The following ADH4 variants were observed in gnomAD, a reference collection of about 807,000 sequenced individuals.
The protein encoded by ADH4 is alcohol dehydrogenase 4 (class II), pi polypeptide.
A neutral mutation model predicts 35.2 loss-of-function variants in ADH4; 31 were observed. That is an observed-to-expected ratio of 0.88 (90% CI 0.66 to 1.19). The LOEUF (loss-of-function observed/expected upper bound fraction) is 1.19, where lower values mean the gene tolerates loss of function less well. Among genes scored for constraint, ADH4 ranks in the 50% most tolerant of loss-of-function variants. The pLI is 0.00. For missense variants in ADH4, 476 were observed against 458.3 expected, an observed-to-expected ratio of 1.04 and a Z score of -0.35; for synonymous variants, 171 against 160.2, an observed-to-expected ratio of 1.07 and a Z score of -0.51.
intron 8 of ADH4, among the ~76,000 whole-genome samples, chr4:99,125,919 C>G (rs1729071893): frequency 6.6e-6 from 1 of 152,120 alleles, no homozygotes; most frequent in African/African-American, 2.4e-5. Flanking sequence ...AACATTGTTC[C>G]TAATGTTTTT....
At chr4:99,131,377 A>G in intron 6 of ADH4, 127 bp downstream of exon 6, 1 of 1,068,354 alleles carries the variant, frequency 9.4e-7, no homozygotes. Context: ...TTTGTGGCTT[A>G]TAGTTCTACC....
intron 5 of ADH4, among the ~76,000 whole-genome samples, chr4:99,132,204 A>G (rs1367759646): frequency 5.9e-5 from 9 of 152,174 alleles, no homozygotes; most frequent in African/African-American, 1.7e-4. Context: ...ATGAAGTCCA[A>G]TTTGTTTTGC....
intron 5 of ADH4, among the ~76,000 whole-genome samples, 194 bp from the exon 6 acceptor site, chr4:99,131,958 T>C (rs2110495668): frequency 6.6e-6 from 1 of 152,308 alleles, no homozygotes; most frequent in East Asian, 1.9e-4. Flanking sequence ...GGAGAATTAT[T>C]TAGTGTTCAT....
At chr4:99,125,716 G>A (rs550704535) in intron 8 of ADH4, among the ~76,000 whole-genome samples, 6 of 152,326 alleles carry the variant, frequency 3.9e-5, no homozygotes, top group South Asian at 2.1e-4. Flanking sequence ...GTTCATGTCA[G>A]TGGGGATATT....
chr4:99,128,860 C>T (rs947977240), intron 6 of ADH4, among the ~76,000 whole-genome samples: 4 of 151,870 alleles, frequency 2.6e-5, no homozygotes, highest in East Asian at 1.9e-4. Context: ...AGTGGAGTGG[C>T]GTGATCATAG....
intron 6 of ADH4, among the ~76,000 whole-genome samples, chr4:99,129,329 G>A (rs1729202302): frequency 6.6e-6 from 1 of 151,952 alleles, no homozygotes; most frequent in African/African-American, 2.4e-5. Flanking sequence ...AAAAAATTAG[G>A]ATAAGTCAGA....
chr4:99,127,301 G>GTA lies in ADH4; in HGVS notation c.885_886dup (p.Thr296IlefsTer6). The GTA allele has an allele frequency of 6.2e-7, 1 of 1,612,306 alleles. No homozygotes were observed. The highest frequency in any genetic ancestry group is 1.1e-5 in the South Asian group (1 of 90,848). On this transcript the variant is annotated frameshift_variant, in exon 7 of 9. Coordinates refer to ENST00000265512, the MANE Select transcript of ADH4 (RefSeq NM_000670.5). LOFTEE classifies it high-confidence loss of function. ...GCTACCAGCAGCTACTCCAATGAAA[G>GTA]TACATGATCCCCAGCCTGCGGTTGT...
chr4:99,127,847 T>G (rs1729148041), intron 6 of ADH4, among the ~76,000 whole-genome samples: 1 of 151,312 alleles, frequency 6.6e-6, no homozygotes, highest in Non-Finnish European at 1.5e-5. Context: ...AAAAAAAAAT[T>G]ATTAGTAAAA....
chr4:99,137,188 C>T (rs13132776), intron 4 of ADH4, among the ~76,000 whole-genome samples: 31,566 of 151,072 alleles, frequency 0.21, 3,900 homozygotes, highest in Non-Finnish European at 0.28. Flanking sequence ...AGTGCAGTGG[C>T]GCGATCTCAG....
intron 5 of ADH4, among the ~76,000 whole-genome samples, chr4:99,134,561 G>A (rs1729379364): frequency 6.6e-6 from 1 of 152,060 alleles, no homozygotes; most frequent in Non-Finnish European, 1.5e-5. Flanking sequence ...GACTTGAAGA[G>A]TGATACTTCT....
chr4:99,142,857 C>A (rs1729675111), intron 1 of ADH4, 77 bp from the exon 2 acceptor site: 2 of 1,027,284 alleles, frequency 1.9e-6, no homozygotes, highest in East Asian at 5.1e-5. Flanking sequence ...GAGAGGAGAT[C>A]ATGAGAAAAA....
In ADH4 at chr4:99,139,106, C is replaced by T; in HGVS notation, c.305G>A (p.Cys102Tyr). Residue 102 changes from cysteine to tyrosine, a missense_variant, in exon 4 of 9, where the codon TGC becomes TAC. Cys to Tyr is a radical substitution (Grantham distance 194). Transcript: ENST00000265512. ...IPLYAPLCRKCKFCLSPLTNL... is the reference protein window; with the variant it reads ...IPLYAPLCRKYKFCLSPLTNL... ...TGTGAGTGGACTCAGACAAAACTTG[C>T]ATTTTCTACATAGAGGTGCATAAAG... The T allele has an allele frequency of 6.2e-7, 1 of 1,613,420 alleles. No individual in the cohort carries two copies. Among genetic ancestry groups the T allele is most frequent in the Non-Finnish European group, 8.5e-7 (1 of 1,179,672 alleles).
rs559582335 is a variant in ADH4, at chr4:99,143,999, A to G, written c.18+206T>C. 3.9e-5 allele frequency among the ~76,000 whole-genome samples: 6 copies of G among 152,302 alleles called. No homozygotes were observed. In the South Asian group the frequency reaches 1.2e-3, roughly 32 times the overall value. The stretch of plus-strand genomic sequence containing the variant: ...TCTTTTGGCCATTTAAATAATATTA[A>G]TATTAACTGAACACCCTTCTAATAA... On this transcript the variant is annotated intron_variant, in intron 1 of 8. Coordinates refer to ENST00000265512, the MANE Select transcript of ADH4 (RefSeq NM_000670.5).
chr4:99,137,043 G>A (rs13127582), intron 4 of ADH4, among the ~76,000 whole-genome samples: 31,918 of 151,840 alleles, frequency 0.21, 4,032 homozygotes, highest in Non-Finnish European at 0.28. Context: ...TCCGCCTTCC[G>A]AGTTCAAGCG....
At chr4:99,134,844 A>C (rs1729388192) in intron 5 of ADH4, among the ~76,000 whole-genome samples, 1 of 151,008 alleles carries the variant, frequency 6.6e-6, no homozygotes, top group Admixed American at 6.7e-5. Context: ...TACTAGATCA[A>C]CCTCTTATTG....
chr4:99,134,062 C>T (rs1292353634), intron 5 of ADH4, among the ~76,000 whole-genome samples: 1 of 152,098 alleles, frequency 6.6e-6, no homozygotes, highest in East Asian at 1.9e-4. Flanking sequence ...AAGCCAGGCA[C>T]AGAAAGACAG....
intron 5 of ADH4, 48 bp from the exon 6 acceptor site, chr4:99,131,812 C>CT (rs35019093): frequency 0.25 from 384,660 of 1,567,920 alleles, 51,248 homozygotes; most frequent in Non-Finnish European, 0.28. Context: ...GCCAGTCCCA[C>CT]TTTTTTTCTT....
rs781087602 is a variant in ADH4, at chr4:99,127,236, G to A, written c.952C>T (p.Arg318Cys). The A allele has an allele frequency of 1.1e-5, 17 of 1,609,720 alleles. No individual in the cohort carries two copies. Among genetic ancestry groups the A allele is most frequent in the East Asian group, 4.5e-5 (2 of 44,700 alleles). ...CCAAAGAATGTTCCATTTATAGTAC[G>A]GCCGATTATTAGCTCCTCTGGAAAA... ...TIFPEELIIGRTINGTFFGGW... is the reference protein window; with the variant it reads ...TIFPEELIIGCTINGTFFGGW... Residue 318 changes from arginine (R) to cysteine (C), a missense_variant, in exon 7 of 9, where the codon CGT becomes TGT. Arg to Cys is a radical substitution (Grantham distance 180). Transcript: ENST00000265512.
At chr4:99,140,913 A>G (rs10014222) in intron 3 of ADH4, among the ~76,000 whole-genome samples, 144,894 of 151,068 alleles carry the variant, frequency 0.96, 69,510 homozygotes, top group East Asian at 1. Flanking sequence ...TTTAGATTTA[A>G]GGGTACATGT....
Sources: gnomAD v4.1 joint callset for allele counts (sites outside exome capture counted in the v4.1 genomes callset) on GRCh38, gnomAD v4.1.1 for gene constraint, MANE v1.5 for transcripts, NCBI Gene and HGNC (gene_info 2026-07-23, HGNC 2026-07-21) for gene names.